The following CSMD3 variants were observed in gnomAD, a reference collection of about 807,000 sequenced individuals.
CSMD3 encodes the protein CUB and sushi domain-containing protein 3.
In CSMD3, 177 loss-of-function variants were observed where a neutral mutation model predicts 435.2. The ratio of observed to expected loss-of-function variants is 0.41; its 90% CI spans 0.36 to 0.46. CSMD3 has a LOEUF of 0.46. CSMD3 is among the 20% of genes least tolerant of loss of function. The pLI, the probability that CSMD3 is intolerant of heterozygous loss-of-function variation, is 0.34. For missense variants in CSMD3, 4,265 were observed against 4,504.6 expected (o/e 0.95, Z 1.52); for synonymous variants, 1,656 against 1,520.5 (o/e 1.09, Z -2.07).
chr8:112,820,090 T>G (rs1353513189), intron 12 of CSMD3, among the ~76,000 whole-genome samples: 1 of 152,146 alleles, frequency 6.6e-6, no homozygotes, highest in Non-Finnish European at 1.5e-5. Flanking sequence ...TCTCAATTAT[T>G]TATTACATAA....
chr8:113,149,137 CA>C (rs1376018784), intron 4 of CSMD3, among the ~76,000 whole-genome samples: 1 of 151,588 alleles, frequency 6.6e-6, no homozygotes, highest in East Asian at 1.9e-4. Flanking sequence ...GAAAGAGAGG[CA>C]AAATTCCAAA....
At chr8:112,956,121 T>C (rs554543045) in intron 7 of CSMD3, among the ~76,000 whole-genome samples, 2 of 152,160 alleles carry the variant, frequency 1.3e-5, no homozygotes, top group Non-Finnish European at 2.9e-5. Context: ...TCTTAGTTAT[T>C]ATTAGTTGTG....
chr8:112,756,568 C>G (rs1378738587), intron 13 of CSMD3, among the ~76,000 whole-genome samples: 1 of 151,936 alleles, frequency 6.6e-6, no homozygotes, highest in Non-Finnish European at 1.5e-5. Flanking sequence ...GAAAAATTCC[C>G]AAGAATATAA....
chr8:113,238,031 C>T (rs1460699867), intron 3 of CSMD3, among the ~76,000 whole-genome samples: 1 of 144,778 alleles, frequency 6.9e-6, no homozygotes, highest in Non-Finnish European at 1.5e-5. Flanking sequence ...GCAGATATCA[C>T]ACCATTGCAC....
At chr8:112,414,821 A>G (rs903300141) in intron 32 of CSMD3, among the ~76,000 whole-genome samples, 4 of 152,194 alleles carry the variant, frequency 2.6e-5, no homozygotes, top group African/African-American at 4.8e-5. Context: ...AACTAGAATA[A>G]AGGTGATTCT....
chr8:112,241,031 A>C (rs1814078993), intron 66 of CSMD3, among the ~76,000 whole-genome samples: 1 of 152,056 alleles, frequency 6.6e-6, no homozygotes, highest in African/African-American at 2.4e-5. Context: ...TATCTTTATC[A>C]GGAGTGTGAA....
intron 13 of CSMD3, among the ~76,000 whole-genome samples, chr8:112,720,325 C>CT (rs1045651325): frequency 8.7e-5 from 13 of 150,092 alleles, no homozygotes; most frequent in African/African-American, 2.2e-4. Context: ...CTTTTCTTTT[C>CT]TTTTTTTTTC....
Position 112,503,779 on chromosome 8 carries a change from T to G in CSMD3, c.5083+11A>C, listed in dbSNP as rs774798712. ...TAAATCATGATACTAACATGGAATG[T>G]TCATATTTACCTTTGTATTCTAGAT... On this transcript the variant is annotated intron_variant, in intron 30 of 70. Coordinates refer to ENST00000297405, the MANE Select transcript of CSMD3 (RefSeq NM_198123.2). 1 of 1,583,218 alleles carries G rather than the reference T, an allele frequency of 6.3e-7. No individual in the cohort carries two copies. The highest frequency in any genetic ancestry group is 8.7e-7 in the Non-Finnish European group (1 of 1,153,198).
intron 5 of CSMD3, among the ~76,000 whole-genome samples, chr8:113,073,282 T>A (rs2089203630): frequency 6.6e-6 from 1 of 151,884 alleles, no homozygotes; most frequent in African/African-American, 2.4e-5. Flanking sequence ...GTCAATACAG[T>A]GACTTTTTTT....
At chr8:113,029,367 A>G (rs2086995992) in intron 5 of CSMD3, among the ~76,000 whole-genome samples, 1 of 151,664 alleles carries the variant, frequency 6.6e-6, no homozygotes, top group Non-Finnish European at 1.5e-5. Flanking sequence ...ATAGATGCTA[A>G]AATCTGTAAC....
chr8:112,592,400 T>C (rs1344138257), intron 22 of CSMD3, among the ~76,000 whole-genome samples: 3 of 152,042 alleles, frequency 2.0e-5, no homozygotes, highest in African/African-American at 7.2e-5. Flanking sequence ...TACATGTATG[T>C]ATCCAAGGGC....
At chr8:113,102,717 T>C (rs1164638512) in intron 4 of CSMD3, among the ~76,000 whole-genome samples, 1 of 152,086 alleles carries the variant, frequency 6.6e-6, no homozygotes, top group Non-Finnish European at 1.5e-5. Context: ...CACTGACACT[T>C]TTACCAAGGT....
chr8:112,690,591 C>T (rs866208225), intron 13 of CSMD3, among the ~76,000 whole-genome samples: 1 of 149,420 alleles, frequency 6.7e-6, no homozygotes, highest in Admixed American at 6.7e-5. Context: ...AACTAGACCC[C>T]CCCCCCCAAC....
At chr8:112,230,284 T>C (rs1812968844) in intron 69 of CSMD3, among the ~76,000 whole-genome samples, 1 of 152,212 alleles carries the variant, frequency 6.6e-6, no homozygotes, top group South Asian at 2.1e-4. Context: ...ATGAGTGTTT[T>C]TACCTGTTTT....
At chr8:112,401,983 A>G (rs1336575485) in intron 35 of CSMD3, among the ~76,000 whole-genome samples, 3 of 152,210 alleles carry the variant, frequency 2.0e-5, no homozygotes. Flanking sequence ...ATTAAGTCCT[A>G]TATTCTGCAT....
intron 10 of CSMD3, among the ~76,000 whole-genome samples, chr8:112,915,266 G>A (rs1040870324): frequency 4.0e-5 from 6 of 151,652 alleles, no homozygotes; most frequent in East Asian, 2.0e-4. Flanking sequence ...TTAGTTTAGC[G>A]AAAGCGTTCA....
At chr8:112,878,507 G>A (rs572235865) in intron 10 of CSMD3, among the ~76,000 whole-genome samples, 2 of 152,248 alleles carry the variant, frequency 1.3e-5, no homozygotes, top group South Asian at 2.1e-4. Flanking sequence ...AGACAGTGTG[G>A]TGATTCCTCA....
At position 112,666,433 on chromosome 8, in the gene CSMD3, A is replaced by G. The variant is rs2131708483; in HGVS notation, c.2678-18T>C. 1 of 1,607,946 alleles carries G rather than the reference A, an allele frequency of 6.2e-7. No homozygotes were observed. The highest frequency in any genetic ancestry group is 1.1e-5 in the South Asian group (1 of 90,484). On this transcript the variant is annotated intron_variant, in intron 16 of 70. Transcript: ENST00000297405. ...ACATGGGGCTGAAAAATTAAATCAGACAAGTAAGAATAAAACATTCAAGAT... is the reference window on the plus strand; with the variant it reads ...ACATGGGGCTGAAAAATTAAATCAGGCAAGTAAGAATAAAACATTCAAGAT...
At chr8:112,337,878 G>C (rs1319015288) in intron 42 of CSMD3, 147 bp from the exon 43 acceptor site, 1 of 598,254 alleles carries the variant, frequency 1.7e-6, no homozygotes, top group Non-Finnish European at 3.0e-6. Context: ...GATAAATGCT[G>C]TCAATGACCT....
Sources: allele counts gnomAD v4.1 joint callset (sites outside exome capture counted in the v4.1 genomes callset), GRCh38; gene constraint gnomAD v4.1.1; transcripts MANE v1.5; gene names NCBI Gene and HGNC (gene_info 2026-07-23, HGNC 2026-07-21).